The following PKM variants were observed in gnomAD, a reference collection of about 807,000 sequenced individuals.
PKM encodes the protein pyruvate kinase PKM.
Under a neutral mutation model 49.8 loss-of-function variants are expected in PKM, and 18 were observed. The observed-to-expected ratio is 0.36, with a 90% CI of 0.25 to 0.54. The LOEUF is 0.54. PKM is among the 20% of genes least tolerant of loss of function. PKM has a pLI of 0.89. For synonymous variants in PKM, 239 were observed against 261.8 expected (o/e 0.91, Z 0.84); for missense variants, 508 against 713.8 (o/e 0.71, Z 3.28).
chr15:72,212,399 T>C (rs918579916), intron 3 of PKM, among the ~76,000 whole-genome samples: 3 of 150,946 alleles, frequency 2.0e-5, no homozygotes, highest in South Asian at 2.1e-4. Context: ...CACTTGAACC[T>C]AGGAGGCAGA....
chr15:72,217,690 G>A (rs921921849), intron 2 of PKM, among the ~76,000 whole-genome samples, 190 bp from the exon 3 acceptor site: 11 of 152,096 alleles, frequency 7.2e-5, no homozygotes, highest in Non-Finnish European at 1.2e-4. Flanking sequence ...GGGACACTTC[G>A]ACCATTTCCT....
intron 6 of PKM, among the ~76,000 whole-genome samples, chr15:72,207,528 A>G (rs926023706): frequency 3.3e-5 from 5 of 152,200 alleles, no homozygotes; most frequent in African/African-American, 1.2e-4. Flanking sequence ...GAAAGGGGAG[A>G]GGGCAAATCC....
At chr15:72,220,424 C>A (rs1338679979) in intron 1 of PKM, among the ~76,000 whole-genome samples, 2 of 152,168 alleles carry the variant, frequency 1.3e-5, no homozygotes, top group African/African-American at 4.8e-5. Context: ...CTAAATCCAT[C>A]TCTGCCATCT....
intron 6 of PKM, 109 bp downstream of exon 6, chr15:72,208,512 G>T (rs1596741590): frequency 3.6e-6 from 4 of 1,112,856 alleles, no homozygotes; most frequent in Non-Finnish European, 5.5e-6. Context: ...GAACTGGCTT[G>T]GGAGTCTACA....
chr15:72,230,339 C>CTCCG (rs2082820621), intron 1 of PKM, among the ~76,000 whole-genome samples: 1 of 152,154 alleles, frequency 6.6e-6, no homozygotes, highest in Non-Finnish European at 1.5e-5. Flanking sequence ...CAGCCCAGCC[C>CTCCG]TCCGCCCGCC....
chr15:72,203,255 C>CATGGGAAGACAGA (rs2081991595), intron 8 of PKM: 1 of 1,337,382 alleles, frequency 7.5e-7, no homozygotes, highest in Non-Finnish European at 1.1e-6. Context: ...AGACACAACA[C>CATGGGAAGACAGA]ATGGGAAGAC....
At chr15:72,209,602 C>T in intron 5 of PKM, 71 bp downstream of exon 5, 2 of 1,401,462 alleles carry the variant, frequency 1.4e-6, no homozygotes, top group Non-Finnish European at 2.0e-6. Context: ...ACCTTCCCAT[C>T]TTCCTTGTGT....
chr15:72,217,303 A>C (rs902784924), intron 3 of PKM, 106 bp downstream of exon 3: 1 of 758,810 alleles, frequency 1.3e-6, no homozygotes, highest in Middle Eastern at 2.3e-4. Flanking sequence ...TGACTGTGAA[A>C]CTCAGACTCA....
intron 1 of PKM, 69 bp from the exon 2 acceptor site, chr15:72,219,179 G>A (rs1325476278): frequency 2.1e-6 from 3 of 1,411,406 alleles, no homozygotes; most frequent in African/African-American, 1.4e-5. Flanking sequence ...TAGCACAGAA[G>A]GCTGTCTCCT....
Position 72,209,110 on chromosome 15 carries a change from G to A in PKM, c.566-219C>T, listed in dbSNP as rs1165920541. ...CTCACCCATAAATAAGGATAATTAA[G>A]ACTGTTCTGACTTTGGGAGGCCAAG... On this transcript the variant is annotated intron_variant, in intron 5 of 10. Coordinates refer to ENST00000335181, the MANE Select transcript of PKM (RefSeq NM_002654.6). 5 of 611,964 alleles carry A rather than the reference G, an allele frequency of 8.2e-6. No homozygotes were observed. The East Asian group carries it at 1.4e-4, about 17-fold the overall frequency. 37.9% of individuals were successfully genotyped at this position (611,964 alleles called of 1,614,324 possible).
At chr15:72,223,652 G>C (rs530221262) in intron 1 of PKM, among the ~76,000 whole-genome samples, 2 of 152,198 alleles carry the variant, frequency 1.3e-5, no homozygotes, top group Non-Finnish European at 2.9e-5. Context: ...CCAGCAACAT[G>C]ATCAAAATGG....
At chr15:72,208,532 G>T in intron 6 of PKM, 89 bp downstream of exon 6, 2 of 1,395,168 alleles carry the variant, frequency 1.4e-6, no homozygotes, top group Non-Finnish European at 1.0e-6. Context: ...ATTCTGATGG[G>T]CTAGGGGCTG....
chr15:72,213,093 T>G (rs935738639), intron 3 of PKM, among the ~76,000 whole-genome samples: 2 of 151,402 alleles, frequency 1.3e-5, no homozygotes, highest in Admixed American at 1.3e-4. Flanking sequence ...AAAAAAAAAA[T>G]GTCAACCTTA....
chr15:72,230,892 G>C (rs1442969615), intron 1 of PKM: 1 of 1,281,508 alleles, frequency 7.8e-7, no homozygotes, highest in African/African-American at 1.5e-5. Context: ...AGGAGCCGGC[G>C]GACCCGCCTG....
chr15:72,206,544 AG>A (rs1388817252), intron 8 of PKM, 183 bp downstream of exon 8: 1 of 606,204 alleles, frequency 1.6e-6, no homozygotes, highest in Non-Finnish European at 2.9e-6. Flanking sequence ...GCAGGAATGC[AG>A]AACAGGAGAA....
chr15:72,202,910 C>T lies in PKM; in HGVS notation c.1141-290G>A, dbSNP rs1030915223. 2.5e-5 allele frequency: 29 copies of T among 1,143,404 alleles called. No homozygotes were observed. Among genetic ancestry groups the T allele is most frequent in the Admixed American group, 2.4e-4 (14 of 58,560 alleles). 70.8% of individuals were successfully genotyped at this position (1,143,404 alleles called of 1,614,324 possible). On this transcript the variant is annotated intron_variant, in intron 8 of 10. Coordinates refer to ENST00000335181, the MANE Select transcript of PKM (RefSeq NM_002654.6). The surrounding 1 kb of genome is among the most constrained non-coding windows in gnomAD (Gnocchi z 4.5). ...ACCTCCCTGGCGGTGTTCCTACAGACGAGAAGAGGCTCTGTGCCCAGATGC... is the reference window on the plus strand; with the variant it reads ...ACCTCCCTGGCGGTGTTCCTACAGATGAGAAGAGGCTCTGTGCCCAGATGC...
intron 1 of PKM, among the ~76,000 whole-genome samples, chr15:72,226,381 T>C (rs8192377): frequency 2.0e-5 from 3 of 150,726 alleles, no homozygotes; most frequent in Non-Finnish European, 2.9e-5. Context: ...ACAAAAAAAA[T>C]CAGCCAGGCG....
rs529030864 is a variant in PKM, at chr15:72,219,759, A to T, written c.-13-649T>A. Among the ~76,000 whole-genome samples, 20 of 152,384 alleles carry T rather than the reference A, an allele frequency of 1.3e-4. No homozygotes were observed. The South Asian group carries it at 3.9e-3, about 30-fold the overall frequency. On this transcript the variant is annotated intron_variant, in intron 1 of 10. Transcript: ENST00000335181. ...GCAATTTGCAATTTGCAAAGCAAGG[A>T]TAACATAAGGGCACTGGTATAATTC...
At position 72,219,165 on chromosome 15, in the gene PKM, C is replaced by A. The variant is rs1222473704; in HGVS notation, c.-13-55G>T. On this transcript the variant is annotated intron_variant, in intron 1 of 10. Transcript: ENST00000335181. ...TAAGACTGAGAAGTGGTTAATATACCATTTAGCACAGAAGGCTGTCTCCTG... is the reference window on the plus strand; with the variant it reads ...TAAGACTGAGAAGTGGTTAATATACAATTTAGCACAGAAGGCTGTCTCCTG... 2.0e-6 allele frequency: 3 copies of A among 1,501,306 alleles called. No individual in the cohort carries two copies. In the African/African-American group the frequency reaches 4.1e-5, roughly 21 times the overall value. 93.0% of individuals were successfully genotyped at this position (1,501,306 alleles called of 1,614,324 possible).
Sources: allele counts gnomAD v4.1 joint callset (sites outside exome capture counted in the v4.1 genomes callset), GRCh38; gene constraint gnomAD v4.1.1; non-coding constraint Gnocchi (gnomAD v3.1); transcripts MANE v1.5; gene names NCBI Gene and HGNC (gene_info 2026-07-23, HGNC 2026-07-21).